The following CSMD1 variants were observed in gnomAD, a reference collection of about 807,000 sequenced individuals.
CSMD1 encodes CUB and Sushi multiple domains 1.
A neutral mutation model predicts 417.5 loss-of-function variants in CSMD1; 213 were observed. The observed-to-expected ratio is 0.51, with a 90% CI of 0.46 to 0.57. The LOEUF is 0.57. CSMD1 is among the 20% of genes least tolerant of loss of function. The pLI, the probability that CSMD1 is intolerant of heterozygous loss-of-function variation, is 0.00. For missense variants in CSMD1, 6,923 were observed against 4,529.7 expected, an observed-to-expected ratio of 1.53 and a Z score of -15.17; for synonymous variants, 2,862 against 1,736.8, an observed-to-expected ratio of 1.65 and a Z score of -16.11.
intron 3 of CSMD1, among the ~76,000 whole-genome samples, chr8:4,197,500 C>G (rs1461102901): frequency 6.6e-6 from 1 of 152,212 alleles, no homozygotes; most frequent in East Asian, 1.9e-4. Context: ...AACTGACTCT[C>G]TGTCAAGTAA....
chr8:3,447,265 T>C (rs1252472478), intron 12 of CSMD1, among the ~76,000 whole-genome samples: 14 of 152,134 alleles, frequency 9.2e-5, no homozygotes, highest in Non-Finnish European at 1.5e-5. Context: ...CACTTTTTTA[T>C]GACACAATTT....
chr8:3,507,752 C>T (rs184890091), intron 10 of CSMD1, among the ~76,000 whole-genome samples: 1 of 152,228 alleles, frequency 6.6e-6, no homozygotes, highest in East Asian at 1.9e-4. Flanking sequence ...TCTCTGATGG[C>T]CAGTGATGAT....
Position 4,767,729 on chromosome 8 carries a change from C to T in CSMD1, c.86-130171G>A, listed in dbSNP as rs115588319. On this transcript the variant is annotated intron_variant, in intron 1 of 69. Transcript: ENST00000635120. The stretch of plus-strand genomic sequence containing the variant: ...GGCTGGATGAAACACCACTTCTGTG[C>T]TCAGGCTTGATTTTGCATTTATTTA... Among the ~76,000 whole-genome samples the T allele has an allele frequency of 8.3e-3, 1,270 of 152,290 alleles. 24 individuals are homozygous for T. The highest frequency in any genetic ancestry group is 0.027 in the African/African-American group (1,132 of 41,556).
chr8:3,811,207 G>T (rs1801055238), intron 5 of CSMD1, among the ~76,000 whole-genome samples: 2 of 152,114 alleles, frequency 1.3e-5, no homozygotes, highest in Non-Finnish European at 2.9e-5. Flanking sequence ...TTTTTTAAGG[G>T]AGAAGGGCAA....
At chr8:3,471,090 C>G (rs998989989) in intron 11 of CSMD1, among the ~76,000 whole-genome samples, 1 of 152,294 alleles carries the variant, frequency 6.6e-6, no homozygotes, top group East Asian at 1.9e-4. Flanking sequence ...AAAGAAACTA[C>G]CAAATTTTTC....
intron 37 of CSMD1, among the ~76,000 whole-genome samples, chr8:3,175,491 G>T (rs796743017): frequency 1.1e-3 from 109 of 94,926 alleles, no homozygotes; most frequent in East Asian, 8.9e-3. Context: ...CTTCCTGCCT[G>T]CCTGCCTGCC....
intron 1 of CSMD1, among the ~76,000 whole-genome samples, chr8:4,917,547 T>A (rs1472716347): frequency 6.6e-6 from 1 of 152,104 alleles, no homozygotes; most frequent in Admixed American, 6.5e-5. Context: ...AGCAGGAGAA[T>A]CGCTTGAACC....
chr8:3,184,810 T>G (rs1821644038), intron 36 of CSMD1, among the ~76,000 whole-genome samples: 1 of 152,174 alleles, frequency 6.6e-6, no homozygotes. Flanking sequence ...GACTCCTTAC[T>G]TCACATAAGC....
intron 3 of CSMD1, among the ~76,000 whole-genome samples, chr8:4,165,969 A>G (rs1356772289): frequency 6.6e-6 from 1 of 152,228 alleles, no homozygotes; most frequent in Non-Finnish European, 1.5e-5. Context: ...ACTGTAAGTA[A>G]TAACAATTGA....
intron 3 of CSMD1, among the ~76,000 whole-genome samples, chr8:4,225,996 T>A (rs958933901): frequency 6.6e-6 from 1 of 151,876 alleles, no homozygotes; most frequent in Non-Finnish European, 1.5e-5. Context: ...AGAGGTATGT[T>A]AAAATAAATT....
intron 3 of CSMD1, among the ~76,000 whole-genome samples, chr8:4,153,803 G>C (rs1796690468): frequency 6.6e-6 from 1 of 152,220 alleles, no homozygotes; most frequent in Non-Finnish European, 1.5e-5. Context: ...TTATGTATTT[G>C]TGTCTGAAAC....
chr8:4,470,626 T>G (rs780313534), intron 2 of CSMD1, among the ~76,000 whole-genome samples: 3 of 152,228 alleles, frequency 2.0e-5, no homozygotes, highest in Non-Finnish European at 4.4e-5. Context: ...ATGGCTTTCC[T>G]GTACGTTAAC....
chr8:4,304,030 A>T (rs1798120977), intron 3 of CSMD1, among the ~76,000 whole-genome samples: 1 of 152,164 alleles, frequency 6.6e-6, no homozygotes, highest in Non-Finnish European at 1.5e-5. Flanking sequence ...AGAACCAAGA[A>T]AGCAGTGATG....
At chr8:4,681,358 T>C (rs535819047) in intron 1 of CSMD1, among the ~76,000 whole-genome samples, 1 of 152,304 alleles carries the variant, frequency 6.6e-6, no homozygotes, top group African/African-American at 2.4e-5. Flanking sequence ...CCAATATGGT[T>C]TGCTAATTTC....
At chr8:3,067,165 T>G (rs1410604414) in intron 49 of CSMD1, among the ~76,000 whole-genome samples, 2 of 152,064 alleles carry the variant, frequency 1.3e-5, no homozygotes, top group Non-Finnish European at 2.9e-5. Flanking sequence ...TCTGAGAGTG[T>G]CAGCCAACAA....
At position 4,642,413 on chromosome 8, in the gene CSMD1, C is replaced by T. The variant is rs142677658; in HGVS notation, c.86-4855G>A. ...CCCTACAGTTGGTTGGCTCCTCTCC[C>T]GGGCTGTTGCTCTGTAATTCGTGCT... On this transcript the variant is annotated intron_variant, in intron 1 of 69. Transcript: ENST00000635120. 1.6e-3 allele frequency among the ~76,000 whole-genome samples: 237 copies of T among 152,308 alleles called. 2 individuals carry two copies. In the Middle Eastern group the frequency reaches 0.017, roughly 11 times the overall value.
chr8:4,005,727 G>A (rs770318857), intron 4 of CSMD1, among the ~76,000 whole-genome samples: 2 of 152,146 alleles, frequency 1.3e-5, no homozygotes, highest in Non-Finnish European at 2.9e-5. Flanking sequence ...ATTTGTTTCA[G>A]CTAAATATGT....
At chr8:4,934,699 A>G (rs1807480045) in intron 1 of CSMD1, among the ~76,000 whole-genome samples, 1 of 152,192 alleles carries the variant, frequency 6.6e-6, no homozygotes, top group South Asian at 2.1e-4. Context: ...TATAATCTAT[A>G]ATCTATCAAT....
intron 1 of CSMD1, among the ~76,000 whole-genome samples, chr8:4,693,739 T>C (rs1054246687): frequency 6.9e-5 from 2 of 28,994 alleles, no homozygotes; most frequent in East Asian, 1.0e-3. Flanking sequence ...TTCATAGATG[T>C]GATCATAGCT....
Sources: allele counts gnomAD v4.1 joint callset (sites outside exome capture counted in the v4.1 genomes callset), GRCh38; gene constraint gnomAD v4.1.1; transcripts MANE v1.5; gene names NCBI Gene and HGNC (gene_info 2026-07-23, HGNC 2026-07-21).